The following RARB variants were observed in gnomAD, a reference collection of about 807,000 sequenced individuals.
The protein encoded by RARB is HBV-activated protein.
In RARB, 17 loss-of-function variants were observed where a neutral mutation model predicts 51.9. The ratio of observed to expected loss-of-function variants is 0.33; its 90% CI spans 0.22 to 0.49. The LOEUF is 0.49. RARB is among the 20% of genes least tolerant of loss of function. The probability of loss-of-function intolerance (pLI) is 0.99; values close to 1 mark genes in which losing one functional copy is unlikely to be tolerated. For synonymous variants in RARB, 215 were observed against 195.4 expected (o/e 1.10, Z -0.84); for missense variants, 369 against 550.8 (o/e 0.67, Z 3.30).
At chr3:25,286,083 C>CTTTTTT (rs33947703) in intron 5 of RARB, among the ~76,000 whole-genome samples, 2 of 76,476 alleles carry the variant, frequency 2.6e-5, no homozygotes, top group African/African-American at 5.7e-5. Flanking sequence ...TGATCTTTCT[C>CTTTTTT]TTTTTTTTTT....
intron 3 of RARB, among the ~76,000 whole-genome samples, chr3:25,081,621 A>ATTTTTTT (rs1168828068): frequency 1.7e-4 from 1 of 5,802 alleles, no homozygotes; most frequent in South Asian, 7.1e-3. Flanking sequence ...ATATATATAT[A>ATTTTTTT]TTTTTTTTTT....
intron 5 of RARB, among the ~76,000 whole-genome samples, chr3:25,389,695 G>A (rs1403096646): frequency 2.6e-5 from 4 of 152,108 alleles, no homozygotes; most frequent in East Asian, 1.9e-4. Flanking sequence ...TCAGTACAGG[G>A]CTTATTTGCT....
At chr3:25,362,671 G>C (rs1472067812) in intron 5 of RARB, among the ~76,000 whole-genome samples, 2 of 152,206 alleles carry the variant, frequency 1.3e-5, no homozygotes, top group African/African-American at 4.8e-5. Flanking sequence ...ATCTGGGCAG[G>C]AGTGCACCAT....
At chr3:25,247,970 G>C (rs1369975637) in intron 5 of RARB, among the ~76,000 whole-genome samples, 1 of 152,198 alleles carries the variant, frequency 6.6e-6, no homozygotes, top group African/African-American at 2.4e-5. Context: ...AATGCTGAGA[G>C]TGGAGTGTTG....
chr3:25,347,365 G>C (rs6550966), intron 5 of RARB, among the ~76,000 whole-genome samples: 17,920 of 152,192 alleles, frequency 0.12, 1,142 homozygotes, highest in South Asian at 0.2. Context: ...TGACAAGGTA[G>C]AGCTGGCAGT....
intron 3 of RARB, among the ~76,000 whole-genome samples, chr3:25,127,028 C>T (rs1445959677): frequency 1.3e-5 from 2 of 152,150 alleles, no homozygotes; most frequent in Admixed American, 1.3e-4. Flanking sequence ...CTCTCCATCT[C>T]TGCCACACCA....
At chr3:25,250,277 G>A (rs569869610) in intron 5 of RARB, among the ~76,000 whole-genome samples, 1 of 152,314 alleles carries the variant, frequency 6.6e-6, no homozygotes, top group East Asian at 1.9e-4. Context: ...TGCAGGGCCA[G>A]CCTGTGTGGG....
At chr3:25,414,029 G>A (rs778600433) in intron 5 of RARB, among the ~76,000 whole-genome samples, 44 of 151,528 alleles carry the variant, frequency 2.9e-4, no homozygotes, top group Middle Eastern at 3.4e-3. Context: ...CCACCCAGAA[G>A]TTTTTCCATG....
intron 2 of RARB, among the ~76,000 whole-genome samples, chr3:25,482,628 C>G (rs747730802): frequency 7.2e-6 from 1 of 139,346 alleles, no homozygotes; most frequent in Non-Finnish European, 1.5e-5. Flanking sequence ...CAACCTCTGC[C>G]TCCCAGGTTC....
chr3:25,042,178 T>A (rs1698128053), intron 2 of RARB, among the ~76,000 whole-genome samples: 2 of 152,230 alleles, frequency 1.3e-5, no homozygotes, highest in South Asian at 2.1e-4. Flanking sequence ...TCTGGTTGTT[T>A]ATTTACAAAC....
intron 5 of RARB, among the ~76,000 whole-genome samples, chr3:25,356,498 A>G (rs1193958877): frequency 6.6e-6 from 1 of 151,182 alleles, no homozygotes; most frequent in East Asian, 1.9e-4. Flanking sequence ...AAATAGAAAC[A>G]GAGCTTAGAT....
intron 1 of RARB, among the ~76,000 whole-genome samples, chr3:25,444,182 C>T (rs563631906): frequency 9.2e-5 from 14 of 152,272 alleles, no homozygotes; most frequent in African/African-American, 2.6e-4. Flanking sequence ...ACTTTGCAGA[C>T]GCAGATTCCT....
chr3:25,051,249 C>T (rs957929965), intron 2 of RARB, among the ~76,000 whole-genome samples: 5 of 151,978 alleles, frequency 3.3e-5, no homozygotes, highest in Admixed American at 3.3e-4. Context: ...TAAAGTAATA[C>T]ATGTATGGGG....
intron 2 of RARB, among the ~76,000 whole-genome samples, chr3:25,496,044 T>C (rs1260045359): frequency 6.6e-6 from 1 of 152,180 alleles, no homozygotes; most frequent in African/African-American, 2.4e-5. Context: ...AATCTGATTG[T>C]TTAATTGCGT....
At chr3:25,111,753 A>G (rs1018067519) in intron 3 of RARB, among the ~76,000 whole-genome samples, 1 of 151,704 alleles carries the variant, frequency 6.6e-6, no homozygotes, top group Non-Finnish European at 1.5e-5. Flanking sequence ...TAATTTTTGT[A>G]TTTTTAGTAG....
intron 3 of RARB, 92 bp from the exon 4 acceptor site, chr3:25,569,666 C>A: frequency 7.1e-7 from 1 of 1,408,162 alleles, no homozygotes; most frequent in Non-Finnish European, 9.6e-7. Context: ...ATCAAATGAG[C>A]TTAAGGCAGC....
chr3:24,880,479 T>A (rs1703137978), intron 2 of RARB, among the ~76,000 whole-genome samples: 1 of 152,118 alleles, frequency 6.6e-6, no homozygotes, highest in South Asian at 2.1e-4. Flanking sequence ...GTAGTTATGG[T>A]GGGGTAGTTG....
intron 2 of RARB, among the ~76,000 whole-genome samples, chr3:25,030,653 A>T (rs1672163190): frequency 6.6e-6 from 1 of 152,192 alleles, no homozygotes; most frequent in Admixed American, 6.5e-5. Context: ...CTAAAAGAAT[A>T]CTCAGTTTTG....
chr3:24,942,445 G>C (rs10514678), intron 2 of RARB, among the ~76,000 whole-genome samples: 1 of 152,144 alleles, frequency 6.6e-6, no homozygotes, highest in Non-Finnish European at 1.5e-5. Flanking sequence ...ACACAGACTC[G>C]AGTAATGTCG....
Sources: gnomAD v4.1 joint callset for allele counts (sites outside exome capture counted in the v4.1 genomes callset) on GRCh38, gnomAD v4.1.1 for gene constraint, MANE v1.5 for transcripts, NCBI Gene and HGNC (gene_info 2026-07-23, HGNC 2026-07-21) for gene names.